The following SPHKAP variants were observed in gnomAD, a reference collection of about 807,000 sequenced individuals.
The protein encoded by SPHKAP is SPHK1 interactor, AKAP domain containing.
A neutral mutation model predicts 137.5 loss-of-function variants in SPHKAP; 67 were observed. The observed-to-expected ratio is 0.49, with a 90% CI of 0.40 to 0.60. SPHKAP has a LOEUF of 0.60. SPHKAP is among the 20% of genes least tolerant of loss of function. The pLI, the probability that SPHKAP is intolerant of heterozygous loss-of-function variation, is 0.00. For synonymous variants in SPHKAP, 813 were observed against 785.3 expected, an observed-to-expected ratio of 1.04 and a Z score of -0.59; for missense variants, 2,097 against 2,069.3, an observed-to-expected ratio of 1.01 and a Z score of -0.26.
At chr2:228,035,141 C>G (rs1176056211) in intron 3 of SPHKAP, among the ~76,000 whole-genome samples, 1 of 146,998 alleles carries the variant, frequency 6.8e-6, no homozygotes, top group African/African-American at 2.5e-5. Flanking sequence ...CCCATTGTCT[C>G]AGCCCAAAAT....
At chr2:228,065,657 G>A (rs1461902530) in intron 3 of SPHKAP, among the ~76,000 whole-genome samples, 2 of 152,130 alleles carry the variant, frequency 1.3e-5, no homozygotes, top group African/African-American at 4.8e-5. Context: ...CTGATTTAAG[G>A]CTACTACTGC....
chr2:228,025,279 CT>C (rs1240432944), intron 5 of SPHKAP, 114 bp downstream of exon 5: 3 of 1,138,758 alleles, frequency 2.6e-6, no homozygotes, highest in Non-Finnish European at 3.6e-6. Flanking sequence ...TATAAAGACA[CT>C]TTGATTCCTA....
chr2:228,125,400 A>G (rs1699043314), intron 2 of SPHKAP, among the ~76,000 whole-genome samples: 1 of 152,224 alleles, frequency 6.6e-6, no homozygotes, highest in South Asian at 2.1e-4. Flanking sequence ...CTTGTCTAAA[A>G]GATTATTTAT....
chr2:228,150,689 G>A (rs1699903574), intron 1 of SPHKAP, among the ~76,000 whole-genome samples: 1 of 151,202 alleles, frequency 6.6e-6, no homozygotes, highest in Admixed American at 6.6e-5. Context: ...AGGATACCAG[G>A]CATTTGTCAA....
chr2:228,107,139 C>A (rs1698367731), intron 3 of SPHKAP, among the ~76,000 whole-genome samples: 1 of 151,856 alleles, frequency 6.6e-6, no homozygotes, highest in Non-Finnish European at 1.5e-5. Flanking sequence ...CAACATATTG[C>A]TACTAGTTAT....
intron 3 of SPHKAP, among the ~76,000 whole-genome samples, chr2:228,062,036 A>T (rs1333566565): frequency 6.6e-6 from 1 of 152,132 alleles, no homozygotes; most frequent in East Asian, 1.9e-4. Flanking sequence ...AATCAAGGTA[A>T]TATGAAACAA....
intron 3 of SPHKAP, among the ~76,000 whole-genome samples, chr2:228,105,999 C>G (rs982864301): frequency 3.3e-5 from 5 of 152,184 alleles, no homozygotes; most frequent in Admixed American, 6.5e-5. Flanking sequence ...GGTTCCTGTT[C>G]CGCATGCCTA....
chr2:228,139,165 T>C (rs1699518350), intron 1 of SPHKAP, among the ~76,000 whole-genome samples: 1 of 152,200 alleles, frequency 6.6e-6, no homozygotes, highest in South Asian at 2.1e-4. Context: ...AGATGTAATT[T>C]GTAAATATCA....
At chr2:228,153,321 T>C (rs1699995924) in intron 1 of SPHKAP, among the ~76,000 whole-genome samples, 1 of 152,230 alleles carries the variant, frequency 6.6e-6, no homozygotes, top group Admixed American at 6.5e-5. Context: ...TTTAAAACTT[T>C]CTTCATTTTT....
intron 4 of SPHKAP, among the ~76,000 whole-genome samples, chr2:228,026,795 A>T (rs1002957731): frequency 1.3e-4 from 20 of 152,236 alleles, no homozygotes; most frequent in African/African-American, 4.8e-4. Flanking sequence ...AGCATTGTCA[A>T]TATGGGAATA....
intron 3 of SPHKAP, among the ~76,000 whole-genome samples, chr2:228,103,527 GGC>G: frequency 6.6e-6 from 1 of 152,328 alleles, no homozygotes; most frequent in Non-Finnish European, 1.5e-5. Context: ...GCGTGGTACT[GGC>G]TGAAGTTGGC....
chr2:228,093,005 A>G (rs150204322), intron 3 of SPHKAP, among the ~76,000 whole-genome samples: 2 of 152,240 alleles, frequency 1.3e-5, no homozygotes, highest in Non-Finnish European at 2.9e-5. Flanking sequence ...AATCACCACT[A>G]AAGAACTTAC....
chr2:228,045,372 G>A (rs1015504200), intron 3 of SPHKAP, among the ~76,000 whole-genome samples: 1 of 123,842 alleles, frequency 8.1e-6, no homozygotes, highest in Non-Finnish European at 1.7e-5. Flanking sequence ...TGATAGACTG[G>A]ATTAAGAAAA....
chr2:228,025,920 T>G, intron 4 of SPHKAP: 1 of 959,778 alleles, frequency 1.0e-6, no homozygotes, highest in Non-Finnish European at 1.2e-6. Flanking sequence ...TGTGTCCCCA[T>G]CCAAATCTCA....
chr2:228,093,859 C>CAAAAAAAAAAAAA lies in SPHKAP; in HGVS notation c.246+14960_246+14972dup, dbSNP rs11336381. Among the ~76,000 whole-genome samples the CAAAAAAAAAAAAA allele has an allele frequency of 3.4e-4, 26 of 77,136 alleles. 4 individuals are homozygous for CAAAAAAAAAAAAA. The highest frequency in any genetic ancestry group is 8.2e-4 in the East Asian group (2 of 2,434). 50.6% of individuals were successfully genotyped at this position (77,136 alleles called of 152,430 possible). A position where few individuals can be genotyped will look rare whatever the true frequency, so the allele number is the denominator to read the frequency against. ...TGGGCGACAGGGCAAGACTCCGTTT[C>CAAAAAAAAAAAAA]AAAAAAAAAAAAAAAAAAAAAAAAA... On this transcript the variant is annotated intron_variant, in intron 3 of 11. Transcript: ENST00000392056.
intron 3 of SPHKAP, among the ~76,000 whole-genome samples, chr2:228,030,073 C>T (rs985142876): frequency 6.6e-6 from 1 of 152,140 alleles, no homozygotes; most frequent in East Asian, 1.9e-4. Flanking sequence ...TCCACATTTG[C>T]TACCTGAACC....
At chr2:227,998,150 G>C (rs978414825) in intron 7 of SPHKAP, among the ~76,000 whole-genome samples, 10 of 152,180 alleles carry the variant, frequency 6.6e-5, no homozygotes, top group African/African-American at 2.2e-4. Context: ...GGGATTACAG[G>C]CATGTGTCAC....
intron 2 of SPHKAP, among the ~76,000 whole-genome samples, chr2:228,118,135 T>A (rs2106359422): frequency 6.6e-6 from 1 of 152,144 alleles, no homozygotes; most frequent in African/African-American, 2.4e-5. Flanking sequence ...CCTGTTTCTT[T>A]CTCTTAGCAT....
intron 1 of SPHKAP, among the ~76,000 whole-genome samples, chr2:228,136,417 T>A (rs1436037923): frequency 6.6e-6 from 1 of 152,200 alleles, no homozygotes; most frequent in Non-Finnish European, 1.5e-5. Context: ...ATAGAACAAT[T>A]TCATATATTA....
Sources: allele counts gnomAD v4.1 joint callset (sites outside exome capture counted in the v4.1 genomes callset), GRCh38; gene constraint gnomAD v4.1.1; transcripts MANE v1.5; gene names NCBI Gene and HGNC (gene_info 2026-07-23, HGNC 2026-07-21).